Variants in ACSS1 observed in about 807,000 individuals in gnomAD.
The protein encoded by ACSS1 is acetyl-coenzyme A synthetase 2-like, mitochondrial.
A neutral mutation model predicts 75.3 loss-of-function variants in ACSS1; 42 were observed. That is an observed-to-expected ratio of 0.56 (90% CI 0.44 to 0.72). ACSS1 has a LOEUF of 0.72. Among genes scored for constraint, ACSS1 ranks in the 30% least tolerant of loss-of-function variants. The pLI is 0.00. For synonymous variants in ACSS1, 380 were observed against 376.8 expected (o/e 1.01, Z -0.10); for missense variants, 782 against 935.7 (o/e 0.84, Z 2.14).
Position 25,056,624 on chromosome 20 carries a change from A to T in ACSS1, c.334+1145T>A, listed in dbSNP as rs765770094. Among the ~76,000 whole-genome samples the T allele has an allele frequency of 2.0e-5, 3 of 152,320 alleles. No individual in the cohort carries two copies. In the South Asian group the frequency reaches 6.2e-4, roughly 32 times the overall value. On this transcript the variant is annotated intron_variant, in intron 1 of 13. Transcript: ENST00000323482. ...GCAGCACTCAGCCTAACCTCTGAGC[A>T]TGACTGCCCCCATCCTCACAATGAG...
At chr20:25,052,789 G>A (rs1239564499) in intron 1 of ACSS1, among the ~76,000 whole-genome samples, 4 of 152,238 alleles carry the variant, frequency 2.6e-5, no homozygotes, top group Non-Finnish European at 4.4e-5. Context: ...GCTCCATCTC[G>A]CTCACAGATG....
chr20:25,030,505 C>T (rs2088802682), intron 3 of ACSS1, among the ~76,000 whole-genome samples: 1 of 152,254 alleles, frequency 6.6e-6, no homozygotes. Context: ...GCTCCTCCTC[C>T]ACTTGGCCTG....
intron 3 of ACSS1, among the ~76,000 whole-genome samples, chr20:25,025,163 G>A (rs4813544): frequency 6.6e-6 from 1 of 152,304 alleles, no homozygotes; most frequent in Non-Finnish European, 1.5e-5. Context: ...AATGACCCCA[G>A]CCCATGCAAC....
intron 2 of ACSS1, chr20:25,032,470 C>T: frequency 1.5e-6 from 2 of 1,324,006 alleles, no homozygotes; most frequent in South Asian, 2.2e-5. Context: ...TTGCATTAAC[C>T]ACTTTCCCAC....
In ACSS1 at chr20:25,030,830, C is replaced by T; in HGVS notation, c.560G>A (p.Arg187Lys). The T allele has an allele frequency of 6.2e-7, 1 of 1,614,234 alleles. No individual in the cohort carries two copies. Among genetic ancestry groups the T allele is most frequent in the Non-Finnish European group, 8.5e-7 (1 of 1,180,040 alleles). Residue 187 changes from arginine (R) to lysine (K), a missense_variant, in exon 3 of 14, where the codon AGG (arginine) becomes AAG (lysine). Arg to Lys is a conservative substitution (Grantham distance 26). Around this residue, in one of 2 missense-constraint regions of ACSS1, gnomAD observed 377 missense variants for 383.1 expected, o/e 0.98. Coordinates refer to ENST00000323482, the MANE Select transcript of ACSS1 (RefSeq NM_032501.4). ...LAVAAMLACA[R>K]IGAVHTVIFA... ...GATGACTGTGTGGACAGCTCCGATCCTGGCACAGGCCAGCATTGCTGCCAC... is the reference window on the plus strand; with the variant it reads ...GATGACTGTGTGGACAGCTCCGATCTTGGCACAGGCCAGCATTGCTGCCAC...
At chr20:25,024,710 A>G (rs1279498546) in intron 3 of ACSS1, among the ~76,000 whole-genome samples, 1 of 152,200 alleles carries the variant, frequency 6.6e-6, no homozygotes, top group Non-Finnish European at 1.5e-5. Flanking sequence ...CTCTGGCCTC[A>G]ATGTCCCCTC....
chr20:25,007,090 T>C lies in ACSS1; in HGVS notation c.*672A>G, dbSNP rs774253291. 1,886 of 1,416,642 alleles carry C rather than the reference T, an allele frequency of 1.3e-3. 1 individual carries two copies. Among genetic ancestry groups the C allele is most frequent in the Non-Finnish European group, 1.6e-3 (1,788 of 1,088,074 alleles). 87.8% of individuals were successfully genotyped at this position (1,416,642 alleles called of 1,614,324 possible). On this transcript the variant is annotated 3_prime_UTR_variant, in exon 14 of 14. Transcript: ENST00000323482. ...ACACAACCAAGCACAGGAGAAACAC[T>C]CACCAGGAAAAGATGCCGGAGGCTT...
intron 1 of ACSS1, among the ~76,000 whole-genome samples, chr20:25,054,449 G>A (rs1200455151): frequency 6.6e-6 from 1 of 152,254 alleles, no homozygotes; most frequent in Non-Finnish European, 1.5e-5. Context: ...CATTCTAACA[G>A]CCCTGGGATG....
chr20:25,023,404 G>A (rs2122644996), intron 4 of ACSS1, 62 bp downstream of exon 4: 3 of 1,595,982 alleles, frequency 1.9e-6, no homozygotes, highest in East Asian at 2.3e-5. Context: ...AACCCGAGAA[G>A]CCTCAGAGCC....
At chr20:25,037,445 C>T (rs1415835691) in intron 2 of ACSS1, among the ~76,000 whole-genome samples, 4 of 152,168 alleles carry the variant, frequency 2.6e-5, no homozygotes, top group South Asian at 2.1e-4. Context: ...CCTACAGAAA[C>T]GTTTCATTTT....
chr20:25,057,567 G>A (rs2089260483), intron 1 of ACSS1, among the ~76,000 whole-genome samples: 1 of 152,152 alleles, frequency 6.6e-6, no homozygotes, highest in Non-Finnish European at 1.5e-5. Context: ...CTGGGCACGT[G>A]GATCTGGGGC....
chr20:25,046,889 C>G (rs751779480), intron 2 of ACSS1: 1 of 779,674 alleles, frequency 1.3e-6, no homozygotes, highest in Non-Finnish European at 2.4e-6. Flanking sequence ...ATAAGAAATG[C>G]GTGCTGTATA....
At chr20:25,035,927 T>A (rs2088901766) in intron 2 of ACSS1, among the ~76,000 whole-genome samples, 1 of 152,222 alleles carries the variant, frequency 6.6e-6, no homozygotes, top group Non-Finnish European at 1.5e-5. Context: ...AACCGAAATG[T>A]TACTGTTTCT....
intron 7 of ACSS1, among the ~76,000 whole-genome samples, chr20:25,017,439 T>C (rs2088538151): frequency 6.6e-6 from 1 of 152,168 alleles, no homozygotes; most frequent in Non-Finnish European, 1.5e-5. Context: ...CTCCCAGCAC[T>C]GCTCCGAGGT....
At chr20:25,046,336 T>G (rs1384123796) in intron 2 of ACSS1, 1 of 157,912 alleles carries the variant, frequency 6.3e-6, no homozygotes, top group Non-Finnish European at 1.4e-5. Flanking sequence ...AGGCTGGCTG[T>G]GGTCCTGAGA....
At chr20:25,012,972 A>T in intron 10 of ACSS1, 33 bp from the exon 11 acceptor site, 1 of 1,613,776 alleles carries the variant, frequency 6.2e-7, no homozygotes. Flanking sequence ...AGCACCAGGA[A>T]CCCTGAGCCA....
At chr20:25,055,830 C>T (rs2089233785) in intron 1 of ACSS1, among the ~76,000 whole-genome samples, 1 of 152,194 alleles carries the variant, frequency 6.6e-6, no homozygotes. Context: ...GTGTTCTCAT[C>T]CATCCCACGA....
Position 25,007,573 on chromosome 20 carries a change from C to G in ACSS1, c.*189G>C. On this transcript the variant is annotated 3_prime_UTR_variant, in exon 14 of 14. Coordinates refer to ENST00000323482, the MANE Select transcript of ACSS1 (RefSeq NM_032501.4). ...TCGCATAGCCTCTCCATGGGTGACA[C>G]TCCTGGGACCTCCAATGGATGGGAG... 7.0e-7 allele frequency: 1 copy of G among 1,436,678 alleles called. No homozygotes were observed. Among genetic ancestry groups the G allele is most frequent in the Non-Finnish European group, 9.1e-7 (1 of 1,099,892 alleles). The allele number at this position is 1,436,678 out of a possible 1,614,324, so 89.0% of individuals were successfully genotyped here. A position where few individuals can be genotyped will look rare whatever the true frequency, so the allele number is the denominator to read the frequency against.
intron 1 of ACSS1, among the ~76,000 whole-genome samples, chr20:25,055,217 G>T (rs2089225766): frequency 6.6e-6 from 1 of 152,220 alleles, no homozygotes; most frequent in Admixed American, 6.5e-5. Flanking sequence ...CACAGACTCT[G>T]CGAGGAATAT....
Sources: gnomAD v4.1 joint callset for allele counts (sites outside exome capture counted in the v4.1 genomes callset) on GRCh38, gnomAD v4.1.1 for gene constraint, gnomAD v4.1.1 regional missense constraint, MANE v1.5 for transcripts, NCBI Gene and HGNC (gene_info 2026-07-23, HGNC 2026-07-21) for gene names.